HDAC4: variants seen among roughly 807,000 people sequenced by gnomAD.
HDAC4 encodes the protein histone deacetylase 4, also known as histone deacetylase A.
HDAC4 carries 16 observed loss-of-function variants against 135.1 expected under a neutral mutation model. The ratio of observed to expected loss-of-function variants is 0.12; its 90% CI spans 0.08 to 0.18. The LOEUF (loss-of-function observed/expected upper bound fraction) is 0.18. Among genes scored for constraint, HDAC4 ranks in the 10% least tolerant of loss-of-function variants. The probability of loss-of-function intolerance (pLI) is 1.00; values close to 1 mark genes in which losing one functional copy is unlikely to be tolerated. For missense variants in HDAC4, 1,143 were observed against 1,511.8 expected (o/e 0.76, Z 4.05); for synonymous variants, 685 against 653.4 (o/e 1.05, Z -0.74).
intron 18 of HDAC4, 44 bp from the exon 19 acceptor site, chr2:239,087,658 C>A (rs750629520): frequency 1.9e-6 from 3 of 1,577,742 alleles, no homozygotes; most frequent in Non-Finnish European, 2.6e-6. Context: ...ACAAAAGACA[C>A]ACTTTGTAGC....
intron 2 of HDAC4, among the ~76,000 whole-genome samples, chr2:239,315,440 C>T (rs1203802646): frequency 2.0e-5 from 3 of 152,276 alleles, no homozygotes; most frequent in Middle Eastern, 3.4e-3. Flanking sequence ...GGGAGAGCAA[C>T]GGGCAATGCC....
chr2:239,241,192 C>A (rs1450903363), intron 2 of HDAC4, among the ~76,000 whole-genome samples: 1 of 152,096 alleles, frequency 6.6e-6, no homozygotes, highest in African/African-American at 2.4e-5. Flanking sequence ...TACCGACACA[C>A]AAGAAAGGAG....
At chr2:239,151,416 A>G (rs929702774) in intron 7 of HDAC4, among the ~76,000 whole-genome samples, 2 of 152,208 alleles carry the variant, frequency 1.3e-5, no homozygotes, top group Non-Finnish European at 2.9e-5. Context: ...CTTCCCCCCA[A>G]AATGGAGGAA....
At chr2:239,231,479 G>A (rs1213229920) in intron 3 of HDAC4, among the ~76,000 whole-genome samples, 2 of 152,126 alleles carry the variant, frequency 1.3e-5, no homozygotes, top group Non-Finnish European at 2.9e-5. Context: ...GGGCACAGGA[G>A]CCAGGGCACT....
intron 9 of HDAC4, among the ~76,000 whole-genome samples, chr2:239,136,534 C>G (rs538015632): frequency 6.6e-6 from 1 of 152,286 alleles, no homozygotes; most frequent in Admixed American, 6.5e-5. Flanking sequence ...CGAAAACAGG[C>G]AACTGGGACT....
At position 239,263,247 on chromosome 2, in the gene HDAC4, C is replaced by T. The variant is rs1009357314; in HGVS notation, c.23-26583G>A. Among the ~76,000 whole-genome samples the T allele has an allele frequency of 1.7e-3, 261 of 149,214 alleles. 1 individual carries two copies. The highest frequency in any genetic ancestry group is 3.7e-3 in the Admixed American group (55 of 14,914). ...CTGTGCAACTGCACATCAGCCATCC[C>T]GAAGCCCGCCCTGAGGACCCCCGCC... On this transcript the variant is annotated intron_variant, in intron 2 of 26. Coordinates refer to ENST00000543185, the MANE Select transcript of HDAC4 (RefSeq NM_001378414.1).
At chr2:239,134,744 G>A in intron 9 of HDAC4, 101 bp from the exon 10 acceptor site, 4 of 856,918 alleles carry the variant, frequency 4.7e-6, no homozygotes, top group South Asian at 4.0e-5. Context: ...ACTGAATTCT[G>A]ATATATGAGC....
chr2:239,398,732 T>C (rs1375335422), intron 1 of HDAC4, among the ~76,000 whole-genome samples: 4 of 152,226 alleles, frequency 2.6e-5, no homozygotes, highest in African/African-American at 9.6e-5. Context: ...ACATTCTCTC[T>C]GGTGCAGGGC....
chr2:239,379,683 C>T (rs577886984), intron 1 of HDAC4, among the ~76,000 whole-genome samples: 3 of 152,306 alleles, frequency 2.0e-5, no homozygotes, highest in East Asian at 3.9e-4. Flanking sequence ...GGGCACCATT[C>T]CCCTGGCAGC....
At chr2:239,218,088 G>T (rs554946) in intron 3 of HDAC4, among the ~76,000 whole-genome samples, 81,503 of 151,990 alleles carry the variant, frequency 0.54, 23,078 homozygotes, top group South Asian at 0.73. Context: ...TGAGGCCCCA[G>T]CTCAAAAAAC....
chr2:239,338,871 T>TC lies in HDAC4; in HGVS notation c.22+13806dup, dbSNP rs112861750. ...CATCCAGGGCTCAGGGCCTCCAGGC[T>TC]CCCCCCAAGGCTGAGATTCTACCAA... On this transcript the variant is annotated intron_variant, in intron 2 of 26. Transcript: ENST00000543185. Among the ~76,000 whole-genome samples, 31 of 151,936 alleles carry TC rather than the reference T, an allele frequency of 2.0e-4. 1 individual carries two copies. Among genetic ancestry groups the TC allele is most frequent in the African/African-American group, 7.0e-4 (29 of 41,426 alleles).
chr2:239,310,075 C>A (rs1015189345), intron 2 of HDAC4, among the ~76,000 whole-genome samples: 3 of 152,246 alleles, frequency 2.0e-5, no homozygotes, highest in African/African-American at 7.2e-5. Flanking sequence ...GGGCTCTGTG[C>A]GTAGAGGTGC....
intron 7 of HDAC4, among the ~76,000 whole-genome samples, chr2:239,148,364 G>A (rs1036505247): frequency 5.9e-5 from 9 of 152,184 alleles, no homozygotes; most frequent in Non-Finnish European, 8.8e-5. Flanking sequence ...CAAATTACTG[G>A]AAACGCCAGG....
chr2:239,084,639 A>C (rs906920800), intron 19 of HDAC4, among the ~76,000 whole-genome samples: 12 of 149,088 alleles, frequency 8.0e-5, no homozygotes, highest in Middle Eastern at 3.5e-3. Context: ...ACAGAGACAC[A>C]CGTACACCCC....
At chr2:239,152,436 A>C (rs936016382) in intron 7 of HDAC4, among the ~76,000 whole-genome samples, 1 of 152,254 alleles carries the variant, frequency 6.6e-6, no homozygotes, top group African/African-American at 2.4e-5. Context: ...CCCTGGGCCG[A>C]AATCTGGCGG....
intron 3 of HDAC4, among the ~76,000 whole-genome samples, chr2:239,198,701 T>C (rs2045562865): frequency 6.6e-6 from 1 of 152,210 alleles, no homozygotes; most frequent in Admixed American, 6.5e-5. Context: ...TGCTGTCAGT[T>C]GCCAGGCTCT....
chr2:239,194,751 C>A (rs1012897489), intron 3 of HDAC4, among the ~76,000 whole-genome samples: 5 of 152,254 alleles, frequency 3.3e-5, no homozygotes, highest in Non-Finnish European at 5.9e-5. Flanking sequence ...CTTCCTACTC[C>A]TCCAGGCCCC....
chr2:239,214,040 G>A (rs2046486245), intron 3 of HDAC4, among the ~76,000 whole-genome samples: 2 of 152,372 alleles, frequency 1.3e-5, no homozygotes, highest in African/African-American at 2.4e-5. Context: ...TTAGCTTCTT[G>A]TGCTTGATGT....
At chr2:239,206,456 T>C (rs1264447907) in intron 3 of HDAC4, among the ~76,000 whole-genome samples, 1 of 151,832 alleles carries the variant, frequency 6.6e-6, no homozygotes, top group Non-Finnish European at 1.5e-5. Context: ...AGGTGCACCA[T>C]TGCATCTATA....
Sources: allele counts gnomAD v4.1 joint callset (sites outside exome capture counted in the v4.1 genomes callset), GRCh38; gene constraint gnomAD v4.1.1; transcripts MANE v1.5; gene names NCBI Gene and HGNC (gene_info 2026-07-23, HGNC 2026-07-21).